HS6ST3: variants seen among roughly 807,000 people sequenced by gnomAD.
HS6ST3 encodes the protein heparan sulfate 6-O-sulfotransferase 3.
In HS6ST3, 12 loss-of-function variants were observed where a neutral mutation model predicts 36.7. The observed-to-expected ratio is 0.33, with a 90% CI of 0.21 to 0.53. HS6ST3 has a LOEUF of 0.53. HS6ST3 is among the 20% of genes least tolerant of loss of function. HS6ST3 has a pLI of 0.95. For missense variants in HS6ST3, 584 were observed against 640.9 expected (o/e 0.91, Z 0.96); for synonymous variants, 240 against 257.5 (o/e 0.93, Z 0.65).
chr13:96,578,480 G>A (rs1348523874), intron 1 of HS6ST3, among the ~76,000 whole-genome samples: 1 of 152,198 alleles, frequency 6.6e-6, no homozygotes, highest in Non-Finnish European at 1.5e-5. Context: ...TTAAAGAAAA[G>A]GGAATGTTTT....
intron 1 of HS6ST3, among the ~76,000 whole-genome samples, chr13:96,478,208 A>C (rs188474272): frequency 2.6e-5 from 4 of 152,302 alleles, no homozygotes; most frequent in Non-Finnish European, 5.9e-5. Flanking sequence ...ACCTGAAATT[A>C]AGACTTAGTA....
chr13:96,356,572 A>G (rs1412981484), intron 1 of HS6ST3, among the ~76,000 whole-genome samples: 1 of 152,196 alleles, frequency 6.6e-6, no homozygotes, highest in Non-Finnish European at 1.5e-5. Context: ...TTTGAAATGA[A>G]TCATTCTTTC....
At chr13:96,759,429 A>C (rs1566446724) in intron 1 of HS6ST3, among the ~76,000 whole-genome samples, 2 of 151,856 alleles carry the variant, frequency 1.3e-5, no homozygotes, top group Middle Eastern at 3.4e-3. Flanking sequence ...ATGGCTTTTT[A>C]TGTATACCTT....
chr13:96,721,908 GA>G (rs952394634), intron 1 of HS6ST3, among the ~76,000 whole-genome samples: 1 of 151,988 alleles, frequency 6.6e-6, no homozygotes, highest in African/African-American at 2.4e-5. Context: ...ATGATTTAGG[GA>G]AAAAAAGGCG....
intron 1 of HS6ST3, among the ~76,000 whole-genome samples, chr13:96,223,351 G>A (rs1027409542): frequency 2.6e-5 from 4 of 152,218 alleles, no homozygotes; most frequent in African/African-American, 9.6e-5. Context: ...TGCTTGTTGT[G>A]TTGGTCAGCA....
intron 1 of HS6ST3, among the ~76,000 whole-genome samples, chr13:96,537,178 T>G (rs3843682): frequency 6.6e-6 from 1 of 152,078 alleles, no homozygotes; most frequent in Admixed American, 6.5e-5. Context: ...GGCGAAAGGC[T>G]TATCTTACGT....
chr13:96,170,869 A>C (rs891697890), intron 1 of HS6ST3, among the ~76,000 whole-genome samples: 3 of 152,136 alleles, frequency 2.0e-5, no homozygotes, highest in Non-Finnish European at 2.9e-5. Context: ...AACTGTATTG[A>C]ATTTCTGGAA....
chr13:96,130,889 C>T (rs2053972213), intron 1 of HS6ST3, among the ~76,000 whole-genome samples: 2 of 151,998 alleles, frequency 1.3e-5, no homozygotes, highest in African/African-American at 2.4e-5. Context: ...TGGCTCATTC[C>T]TTGCAGTTAT....
intron 1 of HS6ST3, among the ~76,000 whole-genome samples, chr13:96,181,253 T>C (rs941635162): frequency 6.6e-6 from 1 of 152,204 alleles, no homozygotes; most frequent in Non-Finnish European, 1.5e-5. Context: ...CAGACCTTTT[T>C]TTCCCCCAAA....
intron 1 of HS6ST3, among the ~76,000 whole-genome samples, chr13:96,693,025 T>C (rs891269872): frequency 3.9e-5 from 6 of 152,154 alleles, no homozygotes; most frequent in African/African-American, 1.4e-4. Context: ...TCAGGCACAA[T>C]AGCCTCCAAG....
intron 1 of HS6ST3, among the ~76,000 whole-genome samples, chr13:96,465,856 T>A (rs1225715010): frequency 6.6e-6 from 1 of 152,226 alleles, no homozygotes; most frequent in African/African-American, 2.4e-5. Flanking sequence ...AGCCATAGAA[T>A]TAAAAATAAT....
intron 1 of HS6ST3, among the ~76,000 whole-genome samples, chr13:96,656,474 T>C (rs756555444): frequency 2.6e-5 from 4 of 152,178 alleles, no homozygotes; most frequent in Admixed American, 2.0e-4. Context: ...AGAAATCCAT[T>C]GTTGGAACTA....
intron 1 of HS6ST3, among the ~76,000 whole-genome samples, chr13:96,742,874 A>T (rs541598965): frequency 7.9e-4 from 121 of 152,222 alleles, no homozygotes; most frequent in African/African-American, 2.7e-3. Flanking sequence ...GAATATCATG[A>T]TGCTACAATC....
chr13:96,814,046 A>G (rs1237163318), intron 1 of HS6ST3, among the ~76,000 whole-genome samples: 3 of 152,120 alleles, frequency 2.0e-5, no homozygotes, highest in East Asian at 1.9e-4. Flanking sequence ...TCTGGTATCT[A>G]TTGAAAGGTG....
At chr13:96,212,220 G>C (rs1447005187) in intron 1 of HS6ST3, among the ~76,000 whole-genome samples, 1 of 152,152 alleles carries the variant, frequency 6.6e-6, no homozygotes, top group Non-Finnish European at 1.5e-5. Context: ...GGGTTTTTTA[G>C]TTTTAGCCAC....
chr13:96,253,781 G>A (rs2054618759), intron 1 of HS6ST3, among the ~76,000 whole-genome samples: 1 of 152,120 alleles, frequency 6.6e-6, no homozygotes. Context: ...AGATCAAAAT[G>A]AATATAGTAT....
Position 96,115,488 on chromosome 13 carries a change from A to G in HS6ST3, c.707+23919A>G, listed in dbSNP as rs142230669. Reference sequence around the variant, plus strand: ...TGTTCAACTCCCACTTATGAGTGAGAACATGCGGTGTTTGGTTTTCTTTTC... The same window carrying G: ...TGTTCAACTCCCACTTATGAGTGAGGACATGCGGTGTTTGGTTTTCTTTTC... On this transcript the variant is annotated intron_variant, in intron 1 of 1. Transcript: ENST00000376705. Among the ~76,000 whole-genome samples, 1,408 of 152,272 alleles carry G rather than the reference A, an allele frequency of 9.2e-3. 12 individuals are homozygous for G. The highest frequency in any genetic ancestry group is 0.04 in the South Asian group (194 of 4,828).
intron 1 of HS6ST3, among the ~76,000 whole-genome samples, chr13:96,531,184 A>G (rs181161750): frequency 6.6e-6 from 1 of 152,246 alleles, no homozygotes; most frequent in Non-Finnish European, 1.5e-5. Context: ...CAATGAATTT[A>G]TTTGTAATAA....
chr13:96,596,616 C>G (rs981145943), intron 1 of HS6ST3, among the ~76,000 whole-genome samples: 2 of 152,048 alleles, frequency 1.3e-5, no homozygotes, highest in Admixed American at 1.3e-4. Context: ...ACATCCGTGT[C>G]AACATCTATC....
Sources: gnomAD v4.1 joint callset for allele counts (sites outside exome capture counted in the v4.1 genomes callset) on GRCh38, gnomAD v4.1.1 for gene constraint, MANE v1.5 for transcripts, NCBI Gene and HGNC (gene_info 2026-07-23, HGNC 2026-07-21) for gene names.